The following C3orf70 variants were observed in gnomAD, a reference collection of about 807,000 sequenced individuals.
C3orf70 encodes the protein UPF0524 protein C3orf70.
Under a neutral mutation model 20.7 loss-of-function variants are expected in C3orf70, and 15 were observed. The observed-to-expected ratio is 0.72, with a 90% CI of 0.48 to 1.11. The LOEUF is 1.11. C3orf70 is among the 50% of genes most tolerant of loss of function. The pLI is 0.00. For missense variants in C3orf70, 332 were observed against 317.6 expected, an observed-to-expected ratio of 1.05 and a Z score of -0.34; for synonymous variants, 161 against 125.7, an observed-to-expected ratio of 1.28 and a Z score of -1.88.
At chr3:185,087,175 G>A (rs1320517457) in intron 1 of C3orf70, among the ~76,000 whole-genome samples, 1 of 152,174 alleles carries the variant, frequency 6.6e-6, no homozygotes, top group Non-Finnish European at 1.5e-5. Flanking sequence ...CTGAACAATC[G>A]TAATTAAGGG....
At chr3:185,089,249 T>C (rs1561328440) in intron 1 of C3orf70, among the ~76,000 whole-genome samples, 2 of 144,702 alleles carry the variant, frequency 1.4e-5, no homozygotes, top group African/African-American at 5.8e-5. Flanking sequence ...TTCTCCCTCA[T>C]TTATTTATTT....
rs1385405772 is a variant in C3orf70 at position 185,151,415 on chromosome 3, C to T, written c.196+1213G>A. Among the ~76,000 whole-genome samples the T allele has an allele frequency of 3.3e-5, 5 of 152,126 alleles. No homozygotes were observed. The East Asian group carries it at 7.7e-4, about 23-fold the overall frequency. The stretch of plus-strand genomic sequence containing the variant: ...TGCTACTTCCAACTCGGTACCCTGT[C>T]CCACCGTGAAGCAATGCTTTATACT... On this transcript the variant is annotated intron_variant, in intron 1 of 1. Transcript: ENST00000335012.
At chr3:185,097,002 T>G (rs903246312) in intron 1 of C3orf70, among the ~76,000 whole-genome samples, 1 of 152,156 alleles carries the variant, frequency 6.6e-6, no homozygotes, top group Non-Finnish European at 1.5e-5. Context: ...TCCTTGGGTA[T>G]TCTCCCAAGG....
At chr3:185,131,904 TTACAAATAAACCAACTCCTACAG>T (rs1716530551) in intron 1 of C3orf70, among the ~76,000 whole-genome samples, 1 of 152,146 alleles carries the variant, frequency 6.6e-6, no homozygotes. Context: ...TAAGAGTAAA[TTACAAATAAACCAACTCCTACAG>T]GGGTTTTACA....
At chr3:185,136,673 G>A (rs1364504726) in intron 1 of C3orf70, among the ~76,000 whole-genome samples, 1 of 152,120 alleles carries the variant, frequency 6.6e-6, no homozygotes, top group African/African-American at 2.4e-5. Flanking sequence ...GCAGTGAGCC[G>A]AGATCGCGCC....
intron 1 of C3orf70, among the ~76,000 whole-genome samples, chr3:185,090,243 T>C (rs911066338): frequency 6.6e-6 from 1 of 152,182 alleles, no homozygotes; most frequent in African/African-American, 2.4e-5. Flanking sequence ...TGTTTCTTTC[T>C]CTTGGTTGTA....
chr3:185,095,689 A>C (rs1409156959), intron 1 of C3orf70, among the ~76,000 whole-genome samples: 1 of 152,082 alleles, frequency 6.6e-6, no homozygotes, highest in Non-Finnish European at 1.5e-5. Flanking sequence ...ATATTATTCA[A>C]GAACCTCATT....
intron 1 of C3orf70, among the ~76,000 whole-genome samples, chr3:185,130,845 T>G (rs1464614247): frequency 6.6e-6 from 1 of 152,240 alleles, no homozygotes; most frequent in Non-Finnish European, 1.5e-5. Context: ...TTTCCATACC[T>G]TGTTTATCCA....
At chr3:185,123,017 G>T (rs9839076) in intron 1 of C3orf70, among the ~76,000 whole-genome samples, 7,721 of 150,304 alleles carry the variant, frequency 0.051, 644 homozygotes, top group African/African-American at 0.18. Flanking sequence ...AAAAGAAAAA[G>T]AAATACAAAA....
At chr3:185,125,384 AAACAACAACAACAACAACAACAACAAC>A (rs141336074) in intron 1 of C3orf70, among the ~76,000 whole-genome samples, 6 of 149,798 alleles carry the variant, frequency 4.0e-5, no homozygotes, top group African/African-American at 1.2e-4. Flanking sequence ...CCATCTCCAA[AAACAACAACAACAACAACAACAACAAC>A]AACAACAACA....
At chr3:185,091,906 C>T (rs13086638) in intron 1 of C3orf70, among the ~76,000 whole-genome samples, 780 of 32,582 alleles carry the variant, frequency 0.024, 15 homozygotes, top group East Asian at 0.065. Flanking sequence ...TACACACACA[C>T]ACATACATAT....
chr3:185,150,058 C>T (rs1716957403), intron 1 of C3orf70, among the ~76,000 whole-genome samples: 1 of 151,780 alleles, frequency 6.6e-6, no homozygotes, highest in Non-Finnish European at 1.5e-5. Context: ...GGTCACAGAT[C>T]AAAAAGAGGC....
intron 1 of C3orf70, among the ~76,000 whole-genome samples, chr3:185,129,379 A>G (rs1716482153): frequency 6.6e-6 from 1 of 152,220 alleles, no homozygotes; most frequent in East Asian, 1.9e-4. Context: ...CTCCAGCTAC[A>G]TGCATGTTGC....
chr3:185,092,253 A>G (rs1054067432), intron 1 of C3orf70, among the ~76,000 whole-genome samples: 5 of 152,060 alleles, frequency 3.3e-5, no homozygotes, highest in African/African-American at 1.2e-4. Flanking sequence ...ACATTCTGTT[A>G]TTCTTGCTGC....
intron 1 of C3orf70, among the ~76,000 whole-genome samples, chr3:185,096,274 A>G (rs1715703194): frequency 1.3e-5 from 2 of 152,190 alleles, no homozygotes; most frequent in African/African-American, 4.8e-5. Context: ...ACAGGTAACT[A>G]GTGTGTCTAC....
rs60241057 is a variant in C3orf70, at chr3:185,079,280, C to CAAAAAAAAAAAAAAAAAAAAAAA, written c.*3704_*3726dup. The CAAAAAAAAAAAAAAAAAAAAAAA allele has an allele frequency of 3.2e-4, 16 of 50,632 alleles. No homozygotes were observed. The highest frequency in any genetic ancestry group is 6.1e-4 in the Non-Finnish European group (14 of 23,014). The allele number at this position is 50,632 out of a possible 1,614,324, so 3.1% of individuals were successfully genotyped here. ...TGGGTGAAGGAGCGAGACTCTGTCTCAAAAAAAAAAAAAAAAAAAAAAAAG... is the reference window on the plus strand; with the variant it reads ...TGGGTGAAGGAGCGAGACTCTGTCTCAAAAAAAAAAAAAAAAAAAAAAAAAAAAAAAAAAAAAAAAAAAAAAAG... On this transcript the variant is annotated 3_prime_UTR_variant, in exon 2 of 2. Transcript: ENST00000335012.
chr3:185,145,303 G>A (rs1330575354), intron 1 of C3orf70, among the ~76,000 whole-genome samples: 3 of 152,192 alleles, frequency 2.0e-5, no homozygotes, highest in African/African-American at 7.2e-5. Flanking sequence ...AGTTCAACAG[G>A]CTTGGAAGCC....
chr3:185,079,660 A>C lies in C3orf70; in HGVS notation c.*3347T>G, dbSNP rs1715289803. The C allele has an allele frequency of 6.6e-6, 1 of 152,228 alleles. No homozygotes were observed. The highest frequency in any genetic ancestry group is 2.4e-5 in the African/African-American group (1 of 41,450). 9.4% of individuals were successfully genotyped at this position (152,228 alleles called of 1,614,324 possible). On this transcript the variant is annotated 3_prime_UTR_variant, in exon 2 of 2. Transcript: ENST00000335012. ...AAATCTTGGTTAGAGAAGAAAACTA[A>C]ATTCTACATTTAGTGGAATTAAGCT...
intron 1 of C3orf70, among the ~76,000 whole-genome samples, chr3:185,108,863 CT>C (rs1716001415): frequency 6.6e-6 from 1 of 152,218 alleles, no homozygotes; most frequent in South Asian, 2.1e-4. Context: ...CCTTTTCTCA[CT>C]TTGTCTGGGC....
Sources: allele counts gnomAD v4.1 joint callset (sites outside exome capture counted in the v4.1 genomes callset), GRCh38; gene constraint gnomAD v4.1.1; transcripts MANE v1.5; gene names NCBI Gene and HGNC (gene_info 2026-07-23, HGNC 2026-07-21).